The following GJB7 variants were observed in gnomAD, a reference collection of about 807,000 sequenced individuals.
The protein encoded by GJB7 is gap junction beta-7 protein.
For synonymous variants in GJB7, 87 were observed against 95.2 expected, an observed-to-expected ratio of 0.91 and a Z score of 0.50; for missense variants, 253 against 256.8, an observed-to-expected ratio of 0.99 and a Z score of 0.10.
chr6:87,286,697 A>G (rs948630373), intron 2 of GJB7, among the ~76,000 whole-genome samples: 1 of 152,138 alleles, frequency 6.6e-6, no homozygotes, highest in African/African-American at 2.4e-5. Flanking sequence ...TGTTGGGTCC[A>G]TGATATGCTC....
chr6:87,285,545 T>C (rs1221849479), intron 2 of GJB7, among the ~76,000 whole-genome samples: 1 of 152,170 alleles, frequency 6.6e-6, no homozygotes, highest in African/African-American at 2.4e-5. Flanking sequence ...CAGACTGACA[T>C]ATTCATACCA....
Position 87,284,782 on chromosome 6 carries a change from C to G in GJB7, c.131G>C (p.Trp44Ser). The change falls in exon 3 of 3, where the codon TGG (tryptophan) becomes TCG (serine). Residue 44 changes from tryptophan (W) to serine (S), a missense_variant. Trp to Ser is a radical substitution (Grantham distance 177, BLOSUM62 -3). Transcript: ENST00000525899. ...CTCAAACTCTTTCTGCTCATCTTTC[C>G]ACACGTGCTCTGCTGCCACCATGTA... ...LVYMVAAEHV[W>S]KDEQKEFECN... The G allele has an allele frequency of 6.2e-7, 1 of 1,614,128 alleles. No individual in the cohort carries two copies. Among genetic ancestry groups the G allele is most frequent in the East Asian group, 2.2e-5 (1 of 44,872 alleles).
chr6:87,328,324 C>T (rs978939361), intron 1 of GJB7, among the ~76,000 whole-genome samples: 13 of 152,266 alleles, frequency 8.5e-5, no homozygotes, highest in South Asian at 2.1e-4. Context: ...GGAGGAGAGG[C>T]ACTCTGCTTT....
chr6:87,310,208 A>G (rs1776495360), intron 2 of GJB7, among the ~76,000 whole-genome samples: 1 of 152,190 alleles, frequency 6.6e-6, no homozygotes, highest in Non-Finnish European at 1.5e-5. Flanking sequence ...AAGTTTCTAG[A>G]TTTTAGAATA....
At chr6:87,301,724 C>T (rs552290503) in intron 2 of GJB7, among the ~76,000 whole-genome samples, 2 of 152,362 alleles carry the variant, frequency 1.3e-5, no homozygotes, top group African/African-American at 2.4e-5. Context: ...AACGGACAGA[C>T]TGCTTCCTCA....
intron 2 of GJB7, among the ~76,000 whole-genome samples, chr6:87,302,855 G>T (rs1019548401): frequency 2.0e-5 from 3 of 152,248 alleles, no homozygotes; most frequent in Non-Finnish European, 4.4e-5. Context: ...CAAGCCAGAA[G>T]AGAGTGGGGG....
chr6:87,294,590 G>C (rs1314744621), intron 2 of GJB7, among the ~76,000 whole-genome samples: 2 of 152,232 alleles, frequency 1.3e-5, no homozygotes, highest in Admixed American at 1.3e-4. Context: ...TCCCTCCCAA[G>C]AGAAGCCAGG....
intron 2 of GJB7, among the ~76,000 whole-genome samples, chr6:87,295,354 T>G (rs550494295): frequency 6.6e-6 from 1 of 152,274 alleles, no homozygotes; most frequent in South Asian, 2.1e-4. Context: ...ACTTCAGGAA[T>G]GCAATAATCA....
intron 2 of GJB7, among the ~76,000 whole-genome samples, chr6:87,304,291 AAAG>A (rs1776385204): frequency 1.3e-5 from 2 of 152,216 alleles, no homozygotes; most frequent in Non-Finnish European, 2.9e-5. Flanking sequence ...CAAGATTAAC[AAAG>A]AAGAAAAGAG....
chr6:87,318,949 A>T (rs776799789), intron 2 of GJB7, among the ~76,000 whole-genome samples: 1 of 152,204 alleles, frequency 6.6e-6, no homozygotes, highest in African/African-American at 2.4e-5. Flanking sequence ...AAATATTGTC[A>T]ACCAACTATT....
rs114455461 is a variant in GJB7, at chr6:87,288,511, C to T, written c.-27-3572G>A. Among the ~76,000 whole-genome samples the T allele has an allele frequency of 3.6e-3, 553 of 152,212 alleles. 2 individuals are homozygous for T. The highest frequency in any genetic ancestry group is 0.013 in the African/African-American group (532 of 41,516). On this transcript the variant is annotated intron_variant, in intron 2 of 2. Coordinates refer to ENST00000525899, the MANE Select transcript of GJB7 (RefSeq NM_198568.3). ...CAAATTATGTATCTCCAGTGTGGAC[C>T]TCTCATCTCTGACTTTCAGCTGCCT... is the stretch of plus-strand genomic sequence containing the variant.
At chr6:87,321,201 A>G (rs184733469) in intron 2 of GJB7, among the ~76,000 whole-genome samples, 339 of 148,086 alleles carry the variant, frequency 2.3e-3, no homozygotes, top group African/African-American at 8.2e-3. Context: ...CCTGGGTGAC[A>G]GAGTGACACT....
At chr6:87,328,747 A>C (rs553772193) in intron 1 of GJB7, among the ~76,000 whole-genome samples, 2,352 of 152,314 alleles carry the variant, frequency 0.015, 63 homozygotes, top group African/African-American at 0.053. Flanking sequence ...CTACAGAGGC[A>C]GGCAGGCCTC....
At chr6:87,297,792 T>C (rs895747159) in intron 2 of GJB7, among the ~76,000 whole-genome samples, 1 of 152,198 alleles carries the variant, frequency 6.6e-6, no homozygotes, top group Middle Eastern at 3.2e-3. Flanking sequence ...TTAGTGGTGC[T>C]CCTCACTCCA....
chr6:87,291,851 A>G (rs1440554665), intron 2 of GJB7: 2 of 152,228 alleles, frequency 1.3e-5, no homozygotes, highest in African/African-American at 4.8e-5. Context: ...CAATTTTCCC[A>G]TTAAATAGAC....
At chr6:87,313,500 C>A (rs1776539532) in intron 2 of GJB7, among the ~76,000 whole-genome samples, 1 of 152,176 alleles carries the variant, frequency 6.6e-6, no homozygotes, top group South Asian at 2.1e-4. Flanking sequence ...ATAAATGTCA[C>A]TGTATTCAAA....
At chr6:87,301,594 C>T (rs867356728) in intron 2 of GJB7, among the ~76,000 whole-genome samples, 1 of 152,182 alleles carries the variant, frequency 6.6e-6, no homozygotes, top group African/African-American at 2.4e-5. Context: ...ATAGACTCCC[C>T]CTCTGGAGGG....
At chr6:87,312,710 T>C (rs867197013) in intron 2 of GJB7, among the ~76,000 whole-genome samples, 12 of 152,224 alleles carry the variant, frequency 7.9e-5, no homozygotes, top group Middle Eastern at 3.2e-3. Context: ...CGTTATTACA[T>C]ACCTGCTGCC....
chr6:87,317,542 G>C (rs933783200), intron 2 of GJB7, among the ~76,000 whole-genome samples: 1 of 151,384 alleles, frequency 6.6e-6, no homozygotes, highest in Non-Finnish European at 1.5e-5. Context: ...CAATTCTCCT[G>C]CCTCAGCCTC....
Sources: gnomAD v4.1 joint callset for allele counts (sites outside exome capture counted in the v4.1 genomes callset) on GRCh38, gnomAD v4.1.1 for gene constraint, MANE v1.5 for transcripts, NCBI Gene and HGNC (gene_info 2026-07-23, HGNC 2026-07-21) for gene names.